Variants in DOCK2 observed in about 807,000 individuals in gnomAD.
The protein encoded by DOCK2 is dedicator of cytokinesis protein 2.
A neutral mutation model predicts 248.9 loss-of-function variants in DOCK2; 87 were observed. The ratio of observed to expected loss-of-function variants is 0.35; its 90% confidence interval spans 0.29 to 0.42. The LOEUF (loss-of-function observed/expected upper bound fraction) is 0.42, where lower values mean the gene tolerates loss of function less well. Among genes scored for constraint, DOCK2 ranks in the 10% least tolerant of loss-of-function variants. The probability of loss-of-function intolerance (pLI) is 1.00; values close to 1 mark genes in which losing one functional copy is unlikely to be tolerated. For synonymous variants in DOCK2, 805 were observed against 821.6 expected, an observed-to-expected ratio of 0.98 and a Z score of 0.35; for missense variants, 1,747 against 2,300.2, an observed-to-expected ratio of 0.76 and a Z score of 4.92.
intron 7 of DOCK2, among the ~76,000 whole-genome samples, chr5:169,683,370 C>G (rs1759773652): frequency 3.3e-5 from 5 of 149,978 alleles, no homozygotes; most frequent in Admixed American, 3.3e-4. Context: ...GCTGGGATCA[C>G]AGGTGCATGC....
chr5:169,820,482 C>T, intron 26 of DOCK2, among the ~76,000 whole-genome samples: 1 of 152,222 alleles, frequency 6.6e-6, no homozygotes, highest in East Asian at 1.9e-4. Context: ...TGTTCTGCAG[C>T]CTCTGCTGCT....
chr5:169,951,924 C>A (rs1776682318), intron 27 of DOCK2, among the ~76,000 whole-genome samples: 1 of 152,220 alleles, frequency 6.6e-6, no homozygotes, highest in Admixed American at 6.5e-5. Context: ...ACTTCACTAC[C>A]TTGACTCCTA....
chr5:169,833,154 C>G (rs1033398188), intron 26 of DOCK2, among the ~76,000 whole-genome samples: 22 of 152,128 alleles, frequency 1.4e-4, no homozygotes, highest in African/African-American at 5.3e-4. Flanking sequence ...AAATGGATTG[C>G]ACTGTCACTA....
At chr5:169,648,444 A>C (rs1429536915) in intron 1 of DOCK2, among the ~76,000 whole-genome samples, 2 of 152,156 alleles carry the variant, frequency 1.3e-5, no homozygotes, top group Non-Finnish European at 2.9e-5. Flanking sequence ...CTGGCTCGCT[A>C]AAAACTGTGC....
chr5:169,676,080 ATGT>A (rs1759320218), intron 6 of DOCK2, among the ~76,000 whole-genome samples: 1 of 152,170 alleles, frequency 6.6e-6, no homozygotes, highest in Non-Finnish European at 1.5e-5. Flanking sequence ...CGACCTTCAA[ATGT>A]TGTTTTCTCA....
intron 6 of DOCK2, among the ~76,000 whole-genome samples, chr5:169,679,031 A>G (rs1759502131): frequency 6.6e-6 from 1 of 152,112 alleles, no homozygotes. Context: ...TTTAGCACCA[A>G]CTGAGTCTGG....
intron 44 of DOCK2, among the ~76,000 whole-genome samples, chr5:170,063,910 C>T (rs1018709260): frequency 3.3e-5 from 5 of 152,292 alleles, no homozygotes; most frequent in Admixed American, 1.3e-4. Context: ...GAGAGGTAAT[C>T]GCCCATGCTC....
rs978043863 is a variant in DOCK2 at position 169,744,250 on chromosome 5, C to T, written c.2268-3146C>T. Among the ~76,000 whole-genome samples the T allele has an allele frequency of 2.6e-4, 39 of 152,304 alleles. No individual in the cohort carries two copies. In the Middle Eastern group the frequency reaches 0.014, roughly 53 times the overall value. On this transcript the variant is annotated intron_variant, in intron 22 of 51. Coordinates refer to ENST00000520908, the MANE Select transcript of DOCK2 (RefSeq NM_004946.3). ...TAGAGCAGATCACTGCTCTCTTTCTCGTGAAAATCAAATTTAGTTTCCTAC... is the reference window on the plus strand; with the variant it reads ...TAGAGCAGATCACTGCTCTCTTTCTTGTGAAAATCAAATTTAGTTTCCTAC...
chr5:170,052,008 G>A (rs1756934738), intron 41 of DOCK2, among the ~76,000 whole-genome samples: 1 of 152,188 alleles, frequency 6.6e-6, no homozygotes, highest in Non-Finnish European at 1.5e-5. Flanking sequence ...ATGGCAGGGA[G>A]CATATAAATG....
chr5:169,680,403 C>A (rs1759594670), intron 6 of DOCK2, among the ~76,000 whole-genome samples: 1 of 152,134 alleles, frequency 6.6e-6, no homozygotes, highest in Non-Finnish European at 1.5e-5. Flanking sequence ...AAATCAATAC[C>A]AAACAGGGAA....
Position 169,927,922 on chromosome 5 carries a change from ATTCT to A in DOCK2, c.2800-55143_2800-55140del, listed in dbSNP as rs1284403671. Among the ~76,000 whole-genome samples the A allele has an allele frequency of 9.9e-5, 15 of 152,254 alleles. No homozygotes were observed. In the East Asian group the frequency reaches 2.9e-3, roughly 29 times the overall value. ...TGAGACACTGCTCCCGGCCCGAAAA[ATTCT>A]TTATTCAGGGCTGGATGATGAGATG... On this transcript the variant is annotated intron_variant, in intron 27 of 51. Coordinates refer to ENST00000520908, the MANE Select transcript of DOCK2 (RefSeq NM_004946.3).
intron 1 of DOCK2, among the ~76,000 whole-genome samples, chr5:169,648,316 A>T (rs1310659714): frequency 6.6e-6 from 1 of 152,020 alleles, no homozygotes; most frequent in African/African-American, 2.4e-5. Context: ...GACAAGAAAA[A>T]TGTCTCCAGA....
intron 27 of DOCK2, among the ~76,000 whole-genome samples, chr5:169,887,083 G>A (rs1260902950): frequency 6.6e-6 from 1 of 152,198 alleles, no homozygotes; most frequent in Non-Finnish European, 1.5e-5. Context: ...TGGACCCACA[G>A]ACTGACCCTG....
chr5:169,883,414 C>T lies in DOCK2; in HGVS notation c.2799+42562C>T, dbSNP rs765954241. On this transcript the variant is annotated intron_variant, in intron 27 of 51. Transcript: ENST00000520908. ...GAATGCATGGGACACCTTGACCCTT[C>T]GAGGCCCATCCTCAAGATGCTGAGC... The T allele has an allele frequency of 3.2e-5, 49 of 1,551,640 alleles. No homozygotes were observed. In the East Asian group the frequency reaches 8.1e-4, roughly 26 times the overall value.
intron 33 of DOCK2, among the ~76,000 whole-genome samples, chr5:170,021,017 T>C (rs760241538): frequency 6.6e-6 from 1 of 152,218 alleles, no homozygotes; most frequent in African/African-American, 2.4e-5. Context: ...TAATCTCACA[T>C]GGGAGAAAGT....
intron 27 of DOCK2, among the ~76,000 whole-genome samples, chr5:169,980,977 G>T (rs1055804929): frequency 1.3e-5 from 2 of 152,126 alleles, no homozygotes; most frequent in Non-Finnish European, 2.9e-5. Context: ...CGGTGTGTGG[G>T]TGTGGTGGTC....
intron 25 of DOCK2, among the ~76,000 whole-genome samples, chr5:169,776,946 A>G (rs1293648776): frequency 1.3e-5 from 2 of 152,244 alleles, no homozygotes; most frequent in Non-Finnish European, 2.9e-5. Context: ...CAGCATAAGA[A>G]TGGACTAATA....
intron 13 of DOCK2, among the ~76,000 whole-genome samples, chr5:169,700,628 C>T (rs1309971956): frequency 2.0e-5 from 3 of 151,846 alleles, no homozygotes; most frequent in African/African-American, 7.2e-5. Context: ...TCCTTTATAT[C>T]TTTGTCTCCA....
chr5:170,018,635 T>C (rs568068644), intron 32 of DOCK2, among the ~76,000 whole-genome samples: 1 of 152,332 alleles, frequency 6.6e-6, no homozygotes, highest in East Asian at 1.9e-4. Flanking sequence ...TGCTTTGCCA[T>C]CTCTAACATA....
Sources: gnomAD v4.1 joint callset for allele counts (sites outside exome capture counted in the v4.1 genomes callset) on GRCh38, gnomAD v4.1.1 for gene constraint, MANE v1.5 for transcripts, NCBI Gene and HGNC (gene_info 2026-07-23, HGNC 2026-07-21) for gene names.